The following PTPN1 variants were observed in gnomAD, a reference collection of about 807,000 sequenced individuals.
The protein encoded by PTPN1 is tyrosine-protein phosphatase non-receptor type 1.
A neutral mutation model predicts 59.9 loss-of-function variants in PTPN1; 12 were observed. The observed-to-expected ratio is 0.20, with a 90% CI of 0.13 to 0.32. The LOEUF is 0.32. PTPN1 is among the 10% of genes least tolerant of loss of function. PTPN1 has a pLI of 1.00. For missense variants in PTPN1, 356 were observed against 549.2 expected (o/e 0.65, Z 3.52); for synonymous variants, 178 against 203.6 (o/e 0.87, Z 1.07).
chr20:50,580,252 G>A (rs990357617), intron 8 of PTPN1, among the ~76,000 whole-genome samples: 7 of 152,110 alleles, frequency 4.6e-5, no homozygotes, highest in African/African-American at 1.7e-4. Context: ...CCAGGTTTCC[G>A]GACAGTCCTG....
chr20:50,561,633 C>T (rs1330100208), intron 2 of PTPN1, among the ~76,000 whole-genome samples, 180 bp downstream of exon 2: 1 of 152,150 alleles, frequency 6.6e-6, no homozygotes, highest in Non-Finnish European at 1.5e-5. Flanking sequence ...ATTTTTCCAC[C>T]ATTATAGAAG....
intron 1 of PTPN1, among the ~76,000 whole-genome samples, chr20:50,560,395 C>T (rs1568789758): frequency 2.0e-5 from 3 of 152,158 alleles, no homozygotes. Context: ...CTACCTTTAT[C>T]CCCTGCAGGG....
intron 5 of PTPN1, among the ~76,000 whole-genome samples, chr20:50,576,712 CAAAA>C (rs760227658): frequency 2.2e-4 from 30 of 134,730 alleles, no homozygotes; most frequent in South Asian, 2.4e-4. Context: ...ACTAAAAATA[CAAAA>C]AAAAAAAAAA....
chr20:50,566,587 C>T (rs1235281626), intron 3 of PTPN1, among the ~76,000 whole-genome samples: 1 of 152,048 alleles, frequency 6.6e-6, no homozygotes, highest in Non-Finnish European at 1.5e-5. Context: ...TTCCCCAGTG[C>T]CCAAACCAAG....
chr20:50,541,202 G>A (rs2082650618), intron 1 of PTPN1, among the ~76,000 whole-genome samples: 1 of 152,210 alleles, frequency 6.6e-6, no homozygotes, highest in East Asian at 1.9e-4. Context: ...CTGTTAAGGA[G>A]GTCAAGGGAG....
Position 50,567,502 on chromosome 20 carries a change from G to A in PTPN1, c.256-878G>A, listed in dbSNP as rs1480398736. ...GAAACCATGAGAAGAAGTGATGCTGGCCAAGGACATGACAGGTTCTGATGT... is the reference window on the plus strand; with the variant it reads ...GAAACCATGAGAAGAAGTGATGCTGACCAAGGACATGACAGGTTCTGATGT... On this transcript the variant is annotated intron_variant, in intron 3 of 9. Coordinates refer to ENST00000371621, the MANE Select transcript of PTPN1 (RefSeq NM_002827.4). 2.0e-5 allele frequency among the ~76,000 whole-genome samples: 3 copies of A among 152,128 alleles called. No homozygotes were observed. The East Asian group carries it at 5.8e-4, about 29-fold the overall frequency.
intron 5 of PTPN1, among the ~76,000 whole-genome samples, chr20:50,575,202 C>T (rs1354795158): frequency 1.3e-5 from 2 of 152,206 alleles, no homozygotes; most frequent in Non-Finnish European, 2.9e-5. Context: ...ACGCGCTGCT[C>T]CTGGGGCTTT....
chr20:50,579,042 C>T lies in PTPN1; in HGVS notation c.703-126C>T, dbSNP rs538360233. Reference sequence around the variant, plus strand: ...CTGACCCAGACACCTCCCACCCAGCCCCACCTCCAACACTAGGGATCACAT... The same window carrying T: ...CTGACCCAGACACCTCCCACCCAGCTCCACCTCCAACACTAGGGATCACAT... On this transcript the variant is annotated intron_variant, in intron 6 of 9. Transcript: ENST00000371621. 3.7e-5 allele frequency: 42 copies of T among 1,150,436 alleles called. No homozygotes were observed. In the African/African-American group the frequency reaches 5.5e-4, roughly 15 times the overall value. The allele number at this position is 1,150,436 out of a possible 1,614,324, so 71.3% of individuals were successfully genotyped here. A position where few individuals can be genotyped will look rare whatever the true frequency, so the allele number is the denominator to read the frequency against.
chr20:50,565,247 C>T lies in PTPN1; in HGVS notation c.255+178C>T, dbSNP rs56831252. Among the ~76,000 whole-genome samples, 45 of 152,238 alleles carry T rather than the reference C, an allele frequency of 3.0e-4. No homozygotes were observed. In the East Asian group the frequency reaches 5.6e-3, roughly 19 times the overall value. ...AAAGGTTCAGTTTGGTTATAAGGAA[C>T]GCTAATCTTTTCTGGGAAGCATAAG... On this transcript the variant is annotated intron_variant, in intron 3 of 9. Coordinates refer to ENST00000371621, the MANE Select transcript of PTPN1 (RefSeq NM_002827.4).
intron 1 of PTPN1, among the ~76,000 whole-genome samples, chr20:50,517,899 G>C (rs1307445357): frequency 6.6e-6 from 1 of 152,164 alleles, no homozygotes; most frequent in Admixed American, 6.5e-5. Context: ...TCTTCCTAGA[G>C]ACTGAGGTAT....
At chr20:50,565,912 G>A (rs1019544113) in intron 3 of PTPN1, among the ~76,000 whole-genome samples, 1 of 152,218 alleles carries the variant, frequency 6.6e-6, no homozygotes, top group Non-Finnish European at 1.5e-5. Flanking sequence ...ATGAAGAAAG[G>A]CTGCTTTGAG....
At position 50,584,610 on chromosome 20, in the gene PTPN1, C is replaced by A. The variant is rs902975850; in HGVS notation, c.*1895C>A. 9.4e-6 allele frequency: 1 copy of A among 105,928 alleles called. No homozygotes were observed. Among genetic ancestry groups the A allele is most frequent in the Non-Finnish European group, 1.7e-5 (1 of 57,532 alleles). The allele number at this position is 105,928 out of a possible 1,614,324, so 6.6% of individuals were successfully genotyped here. A position where few individuals can be genotyped will look rare whatever the true frequency, so the allele number is the denominator to read the frequency against. On this transcript the variant is annotated 3_prime_UTR_variant, in exon 10 of 10. Coordinates refer to ENST00000371621, the MANE Select transcript of PTPN1 (RefSeq NM_002827.4). ...ATACCTTTTCAGGTGTGTGTGGATACGTGGCTGCATGACCGGGTGGGTGGG... is the reference window on the plus strand; with the variant it reads ...ATACCTTTTCAGGTGTGTGTGGATAAGTGGCTGCATGACCGGGTGGGTGGG...
At chr20:50,546,463 T>C (rs1036576899) in intron 1 of PTPN1, among the ~76,000 whole-genome samples, 20 of 152,240 alleles carry the variant, frequency 1.3e-4, no homozygotes, top group Non-Finnish European at 2.2e-4. Flanking sequence ...GGTCGTATTT[T>C]ATTCTTTGTT....
At chr20:50,513,208 A>G (rs1568770535) in intron 1 of PTPN1, among the ~76,000 whole-genome samples, 1 of 152,222 alleles carries the variant, frequency 6.6e-6, no homozygotes. Context: ...AATGAATAGC[A>G]TAGATGCTAA....
intron 1 of PTPN1, among the ~76,000 whole-genome samples, chr20:50,555,990 C>T (rs760649697): frequency 1.3e-5 from 2 of 151,940 alleles, no homozygotes; most frequent in South Asian, 2.1e-4. Flanking sequence ...CCAAATGATA[C>T]GTAGAATAAC....
intron 1 of PTPN1, among the ~76,000 whole-genome samples, chr20:50,528,164 C>A (rs2082585459): frequency 6.6e-6 from 1 of 152,156 alleles, no homozygotes; most frequent in South Asian, 2.1e-4. Flanking sequence ...TTGTACATTT[C>A]TTCTGGGAAG....
chr20:50,542,889 C>G (rs915633901), intron 1 of PTPN1, among the ~76,000 whole-genome samples: 22 of 152,152 alleles, frequency 1.4e-4, no homozygotes, highest in Non-Finnish European at 2.6e-4. Context: ...AGGCTTGTGA[C>G]TAGAGAGGAA....
chr20:50,537,477 C>T lies in PTPN1; in HGVS notation c.64-23886C>T, dbSNP rs1317260341. 2.6e-5 allele frequency among the ~76,000 whole-genome samples: 4 copies of T among 152,198 alleles called. No individual in the cohort carries two copies. In the East Asian group the frequency reaches 7.7e-4, roughly 29 times the overall value. ...AATACTGACATTGATACAGTCTGCTCATCTTATTCATATTTCCCCAGTGTT... is the reference window on the plus strand; with the variant it reads ...AATACTGACATTGATACAGTCTGCTTATCTTATTCATATTTCCCCAGTGTT... On this transcript the variant is annotated intron_variant, in intron 1 of 9. Transcript: ENST00000371621.
At chr20:50,552,533 G>C (rs536127563) in intron 1 of PTPN1, among the ~76,000 whole-genome samples, 2 of 152,202 alleles carry the variant, frequency 1.3e-5, no homozygotes, top group East Asian at 3.9e-4. Flanking sequence ...TTACTGCTGT[G>C]ATCAGAAATC....
Sources: allele counts gnomAD v4.1 joint callset (sites outside exome capture counted in the v4.1 genomes callset), GRCh38; gene constraint gnomAD v4.1.1; transcripts MANE v1.5; gene names NCBI Gene and HGNC (gene_info 2026-07-23, HGNC 2026-07-21).